Variants in MAGI1 observed in about 807,000 individuals in gnomAD.
MAGI1 encodes the protein membrane associated guanylate kinase, WW and PDZ domain containing 1.
Under a neutral mutation model 139.9 loss-of-function variants are expected in MAGI1, and 58 were observed. The ratio of observed to expected loss-of-function variants is 0.41; its 90% CI spans 0.34 to 0.52. MAGI1 has a LOEUF of 0.52. MAGI1 is among the 20% of genes least tolerant of loss of function. MAGI1 has a pLI of 0.12. For synonymous variants in MAGI1, 812 were observed against 737.9 expected (o/e 1.10, Z -1.63); for missense variants, 1,874 against 1,901.6 (o/e 0.99, Z 0.27).
intron 1 of MAGI1, among the ~76,000 whole-genome samples, chr3:66,028,225 C>G (rs1028344072): frequency 2.6e-5 from 4 of 152,090 alleles, no homozygotes; most frequent in Non-Finnish European, 5.9e-5. Context: ...TCGCTTGAGC[C>G]CAGGAGGTGG....
At chr3:65,850,313 A>G (rs1000163776) in intron 1 of MAGI1, among the ~76,000 whole-genome samples, 10 of 152,164 alleles carry the variant, frequency 6.6e-5, no homozygotes, top group East Asian at 3.9e-4. Flanking sequence ...CACTTTTAGT[A>G]TGGAAAAACC....
intron 1 of MAGI1, among the ~76,000 whole-genome samples, chr3:65,990,244 C>T (rs895718672): frequency 6.6e-6 from 1 of 152,098 alleles, no homozygotes; most frequent in Non-Finnish European, 1.5e-5. Context: ...CAGTATCTTG[C>T]TCCAAGTACT....
chr3:66,001,600 A>G (rs1048494672), intron 1 of MAGI1, among the ~76,000 whole-genome samples: 2 of 152,208 alleles, frequency 1.3e-5, no homozygotes, highest in Non-Finnish European at 2.9e-5. Context: ...TGAGGCTCAG[A>G]CAGGTTACAT....
At chr3:65,460,802 G>C (rs1260732501) in intron 5 of MAGI1, among the ~76,000 whole-genome samples, 2 of 152,044 alleles carry the variant, frequency 1.3e-5, no homozygotes, top group Non-Finnish European at 2.9e-5. Flanking sequence ...TGGGGTGTTT[G>C]GTTTTCTGTT....
rs370513883 is a variant in MAGI1, at chr3:65,579,617, G to A, written c.430+42355C>T. Among the ~76,000 whole-genome samples the A allele has an allele frequency of 1.6e-3, 245 of 152,260 alleles. 2 individuals are homozygous for A. The highest frequency in any genetic ancestry group is 5.3e-3 in the African/African-American group (219 of 41,556). ...TCCCAGCACTTTGGGAGGCCAAGGC[G>A]GGTAGGTCACCTTAGGTCAGCAGTT... On this transcript the variant is annotated intron_variant, in intron 2 of 22. Coordinates refer to ENST00000402939, the MANE Select transcript of MAGI1 (RefSeq NM_001033057.2).
At chr3:65,745,642 CCTTT>C (rs2035638818) in intron 1 of MAGI1, among the ~76,000 whole-genome samples, 1 of 152,190 alleles carries the variant, frequency 6.6e-6, no homozygotes, top group Admixed American at 6.5e-5. Flanking sequence ...AAATTTTATG[CCTTT>C]CTTAGTAATT....
At chr3:65,915,578 T>C (rs1405582106) in intron 1 of MAGI1, among the ~76,000 whole-genome samples, 2 of 152,166 alleles carry the variant, frequency 1.3e-5, no homozygotes, top group Non-Finnish European at 2.9e-5. Flanking sequence ...GGAAAAACGA[T>C]GAATAACACA....
intron 12 of MAGI1, among the ~76,000 whole-genome samples, chr3:65,419,231 C>CACACACACACAT (rs1553641820): frequency 2.2e-4 from 33 of 150,880 alleles, no homozygotes; most frequent in African/African-American, 5.6e-4. Flanking sequence ...TACACACACA[C>CACACACACACAT]ACACACACAC....
intron 1 of MAGI1, among the ~76,000 whole-genome samples, chr3:65,729,353 C>G (rs1277851387): frequency 6.6e-6 from 1 of 152,146 alleles, no homozygotes; most frequent in Non-Finnish European, 1.5e-5. Flanking sequence ...ATGACTTCAG[C>G]TAACAATACA....
At chr3:65,645,638 TTTCTC>T (rs1449976579) in intron 1 of MAGI1, among the ~76,000 whole-genome samples, 1 of 152,138 alleles carries the variant, frequency 6.6e-6, no homozygotes, top group African/African-American at 2.4e-5. Context: ...AGCAAATACA[TTTCTC>T]TTCTCCTACT....
At chr3:65,865,141 G>A (rs530449028) in intron 1 of MAGI1, among the ~76,000 whole-genome samples, 55 of 152,226 alleles carry the variant, frequency 3.6e-4, no homozygotes, top group African/African-American at 9.4e-4. Flanking sequence ...TATAACATAC[G>A]ATAATGTTTA....
chr3:65,780,489 A>G (rs1423102171), intron 1 of MAGI1, among the ~76,000 whole-genome samples: 1 of 152,206 alleles, frequency 6.6e-6, no homozygotes, highest in Admixed American at 6.5e-5. Context: ...GTCCAAAACT[A>G]TTGAGAGAAG....
intron 18 of MAGI1, among the ~76,000 whole-genome samples, chr3:65,367,402 T>C (rs1404205968): frequency 1.3e-5 from 2 of 152,294 alleles, no homozygotes; most frequent in East Asian, 3.9e-4. Context: ...TTTTTCCTCA[T>C]CTGTATGTCT....
At chr3:65,419,650 C>G (rs1038464261) in intron 12 of MAGI1, among the ~76,000 whole-genome samples, 2 of 152,140 alleles carry the variant, frequency 1.3e-5, no homozygotes, top group South Asian at 2.1e-4. Flanking sequence ...TTTTACAGCT[C>G]AAGTCCTACC....
At chr3:65,473,321 T>G (rs1950665823) in intron 4 of MAGI1, among the ~76,000 whole-genome samples, 1 of 152,152 alleles carries the variant, frequency 6.6e-6, no homozygotes, top group Admixed American at 6.5e-5. Flanking sequence ...TGAGCACATA[T>G]TTCTCGATCT....
At chr3:65,866,487 T>C (rs566977859) in intron 1 of MAGI1, among the ~76,000 whole-genome samples, 2 of 152,122 alleles carry the variant, frequency 1.3e-5, no homozygotes, top group East Asian at 3.9e-4. Context: ...AAGATCTCAG[T>C]AGGCCTTGAA....
At chr3:65,635,479 C>G (rs1245422782) in intron 1 of MAGI1, among the ~76,000 whole-genome samples, 1 of 152,154 alleles carries the variant, frequency 6.6e-6, no homozygotes, top group Non-Finnish European at 1.5e-5. Flanking sequence ...ATAAAGTTGT[C>G]CAAATGGCCC....
intron 1 of MAGI1, among the ~76,000 whole-genome samples, chr3:65,675,613 G>T (rs1289629514): frequency 6.6e-6 from 1 of 152,130 alleles, no homozygotes; most frequent in Admixed American, 6.5e-5. Context: ...GACCAAGTAG[G>T]TCTTAATTCA....
intron 4 of MAGI1, among the ~76,000 whole-genome samples, chr3:65,478,084 TAA>T (rs1041607391): frequency 3.9e-5 from 6 of 152,286 alleles, no homozygotes; most frequent in African/African-American, 1.4e-4. Flanking sequence ...CAATTTTGCG[TAA>T]GTTAACTGAA....
Sources: allele counts gnomAD v4.1 joint callset (sites outside exome capture counted in the v4.1 genomes callset), GRCh38; gene constraint gnomAD v4.1.1; transcripts MANE v1.5; gene names NCBI Gene and HGNC (gene_info 2026-07-23, HGNC 2026-07-21).